The following SCAPER variants were observed in gnomAD, a reference collection of about 807,000 sequenced individuals.
The protein encoded by SCAPER is S phase cyclin A-associated protein in the endoplasmic reticulum.
SCAPER carries 98 observed loss-of-function variants against 182.2 expected under a neutral mutation model. The observed-to-expected ratio is 0.54, with a 90% CI of 0.46 to 0.64. The LOEUF is 0.64. Ranked by LOEUF, SCAPER falls within the 30% of genes least tolerant of loss-of-function variation. The pLI, the probability that SCAPER is intolerant of heterozygous loss-of-function variation, is 0.00. For synonymous variants in SCAPER, 605 were observed against 564.6 expected (o/e 1.07, Z -1.01); for missense variants, 1,432 against 1,690.0 (o/e 0.85, Z 2.68).
intron 8 of SCAPER, among the ~76,000 whole-genome samples, chr15:76,788,655 A>T (rs1011880726): frequency 2.6e-5 from 4 of 152,334 alleles, no homozygotes; most frequent in Admixed American, 2.0e-4. Context: ...GACAGAAACT[A>T]TAATATTTTA....
chr15:76,574,363 C>A, intron 22 of SCAPER, 79 bp from the exon 23 acceptor site: 1 of 1,486,150 alleles, frequency 6.7e-7, no homozygotes. Flanking sequence ...CTTTGAAACA[C>A]AAGTTACTTT....
At chr15:76,742,975 T>C (rs1271059254) in intron 15 of SCAPER, among the ~76,000 whole-genome samples, 1 of 152,148 alleles carries the variant, frequency 6.6e-6, no homozygotes, top group Non-Finnish European at 1.5e-5. Flanking sequence ...CTAAGTGCTT[T>C]TGTTATAACA....
chr15:76,620,734 A>G (rs2051959094), intron 22 of SCAPER, among the ~76,000 whole-genome samples: 1 of 152,178 alleles, frequency 6.6e-6, no homozygotes, highest in Non-Finnish European at 1.5e-5. Flanking sequence ...AGAGTCATCT[A>G]TGCAAAATTA....
At chr15:76,511,497 T>C (rs1261810606) in intron 23 of SCAPER, among the ~76,000 whole-genome samples, 1 of 152,156 alleles carries the variant, frequency 6.6e-6, no homozygotes, top group Non-Finnish European at 1.5e-5. Flanking sequence ...GGACAACTTC[T>C]TCACAGTCTA....
chr15:76,862,997 C>G (rs1305173712), intron 2 of SCAPER, among the ~76,000 whole-genome samples: 1 of 152,158 alleles, frequency 6.6e-6, no homozygotes, highest in Non-Finnish European at 1.5e-5. Context: ...ATAATTTTAT[C>G]TCCAAGTTAT....
intron 8 of SCAPER, among the ~76,000 whole-genome samples, chr15:76,792,152 G>T (rs2065044167): frequency 6.6e-6 from 1 of 151,316 alleles, no homozygotes; most frequent in African/African-American, 2.4e-5. Flanking sequence ...CAAAAAAAAT[G>T]ATTTTAAAGT....
At chr15:76,610,620 G>T (rs1237468705) in intron 22 of SCAPER, among the ~76,000 whole-genome samples, 1 of 152,076 alleles carries the variant, frequency 6.6e-6, no homozygotes, top group Non-Finnish European at 1.5e-5. Context: ...AAGTCACTAA[G>T]ATTTCTATGT....
intron 23 of SCAPER, among the ~76,000 whole-genome samples, chr15:76,512,863 CAGAAA>C (rs752237837): frequency 5.4e-5 from 3 of 55,608 alleles, no homozygotes; most frequent in Non-Finnish European, 5.1e-5. Flanking sequence ...GCAGCTTTTC[CAGAAA>C]AAAAAAAAAA....
intron 14 of SCAPER, among the ~76,000 whole-genome samples, chr15:76,760,079 T>C (rs1050164043): frequency 3.3e-5 from 5 of 152,160 alleles, no homozygotes; most frequent in African/African-American, 9.7e-5. Flanking sequence ...TATGGGGTTT[T>C]TCTCACACTG....
chr15:76,779,735 A>G (rs1163411944), intron 8 of SCAPER, among the ~76,000 whole-genome samples: 1 of 152,104 alleles, frequency 6.6e-6, no homozygotes, highest in Non-Finnish European at 1.5e-5. Flanking sequence ...TACACAGTAC[A>G]AAAAAATTAA....
chr15:76,702,140 G>A (rs2058989169), intron 19 of SCAPER, among the ~76,000 whole-genome samples: 1 of 151,828 alleles, frequency 6.6e-6, no homozygotes, highest in South Asian at 2.1e-4. Flanking sequence ...TCCAGCTTGG[G>A]TGACAAAGCG....
intron 1 of SCAPER, 105 bp from the exon 2 acceptor site, chr15:76,883,981 C>T: frequency 3.4e-6 from 2 of 582,576 alleles, no homozygotes; most frequent in Non-Finnish European, 5.8e-6. Context: ...TAAACAACAA[C>T]AAAAAAAACT....
At chr15:76,622,155 T>G (rs1404016432) in intron 21 of SCAPER, among the ~76,000 whole-genome samples, 5 of 152,222 alleles carry the variant, frequency 3.3e-5, no homozygotes. Context: ...GATACTTCTC[T>G]GCCCCTTTCT....
At chr15:76,400,392 G>A (rs1279026016) in intron 27 of SCAPER, among the ~76,000 whole-genome samples, 1 of 152,170 alleles carries the variant, frequency 6.6e-6, no homozygotes, top group South Asian at 2.1e-4. Flanking sequence ...ACATGGCTAT[G>A]ACCTATAGCA....
chr15:76,782,694 G>A (rs1423956702), intron 8 of SCAPER, among the ~76,000 whole-genome samples: 1 of 152,164 alleles, frequency 6.6e-6, no homozygotes, highest in Non-Finnish European at 1.5e-5. Context: ...TCAGACCACA[G>A]TTCAATCAAA....
chr15:76,872,369 A>C (rs1317528940), intron 2 of SCAPER, among the ~76,000 whole-genome samples: 1 of 152,158 alleles, frequency 6.6e-6, no homozygotes, highest in Non-Finnish European at 1.5e-5. Flanking sequence ...AGCAGGATAA[A>C]TACAAAGAAA....
At chr15:76,658,997 G>A (rs2055897281) in intron 21 of SCAPER, among the ~76,000 whole-genome samples, 1 of 152,120 alleles carries the variant, frequency 6.6e-6, no homozygotes, top group Admixed American at 6.6e-5. Context: ...TACCATTCTG[G>A]AAACAGGACC....
intron 28 of SCAPER, among the ~76,000 whole-genome samples, chr15:76,379,497 C>T (rs16968160): frequency 0.094 from 14,215 of 151,948 alleles, 832 homozygotes; most frequent in African/African-American, 0.15. Context: ...TCCCTAGAGA[C>T]CCTGATTTTG....
chr15:76,638,456 C>T (rs1345803874), intron 21 of SCAPER, among the ~76,000 whole-genome samples: 1 of 152,102 alleles, frequency 6.6e-6, no homozygotes, highest in Non-Finnish European at 1.5e-5. Flanking sequence ...GGAATGCTTT[C>T]AATAGTTCAT....
Sources: allele counts gnomAD v4.1 joint callset (sites outside exome capture counted in the v4.1 genomes callset), GRCh38; gene constraint gnomAD v4.1.1; transcripts MANE v1.5; gene names NCBI Gene and HGNC (gene_info 2026-07-23, HGNC 2026-07-21).